TRIM35: variants seen among roughly 807,000 people sequenced by gnomAD.
The protein encoded by TRIM35 is tripartite motif containing 35, also known as E3 ubiquitin-protein ligase TRIM35.
A neutral mutation model predicts 49.1 loss-of-function variants in TRIM35; 37 were observed. The observed-to-expected ratio is 0.75, with a 90% CI of 0.58 to 0.99. TRIM35 has a LOEUF of 0.99. TRIM35 is among the 50% of genes least tolerant of loss of function. The probability of loss-of-function intolerance (pLI) is 0.00; values close to 1 mark genes in which losing one functional copy is unlikely to be tolerated. For synonymous variants in TRIM35, 302 were observed against 289.3 expected, an observed-to-expected ratio of 1.04 and a Z score of -0.45; for missense variants, 648 against 702.7, an observed-to-expected ratio of 0.92 and a Z score of 0.88.
rs1052805201 is a variant in TRIM35, at chr8:27,285,866, G to A, written c.*1684C>T. The A allele has an allele frequency of 1.5e-5, 4 of 264,954 alleles. No homozygotes were observed. The highest frequency in any genetic ancestry group is 9.0e-5 in the African/African-American group (4 of 44,660). The allele number at this position is 264,954 out of a possible 1,614,324, so 16.4% of individuals were successfully genotyped here. A position where few individuals can be genotyped will look rare whatever the true frequency, so the allele number is the denominator to read the frequency against. On this transcript the variant is annotated 3_prime_UTR_variant, in exon 6 of 6. Coordinates refer to ENST00000305364, the MANE Select transcript of TRIM35 (RefSeq NM_171982.5). ...CTCCCAAAGGGCTTGGAGCTTTTGT[G>A]AGGCTGAGCATCTTCCAACCAGGTG...
At position 27,294,275 on chromosome 8, in the gene TRIM35, C is replaced by T; in HGVS notation, c.567G>A (p.Gln189=). 6.2e-7 allele frequency: 1 copy of T among 1,614,098 alleles called. No homozygotes were observed. The highest frequency in any genetic ancestry group is 2.2e-5 in the East Asian group (1 of 44,886). Residue 189 remains glutamine (Q), a synonymous_variant, in exon 3 of 6, where the codon CAG becomes CAA. Coordinates refer to ENST00000305364, the MANE Select transcript of TRIM35 (RefSeq NM_171982.5). ...EAAWLEGRIR[Q]EFDKLREFLR... Reference sequence around the variant, plus strand: ...AGAACTCGCGAAGCTTATCAAACTCCTGCCGGATCCGGCCTTCCAGCCATG... The same window carrying T: ...AGAACTCGCGAAGCTTATCAAACTCTTGCCGGATCCGGCCTTCCAGCCATG...
intron 3 of TRIM35, among the ~76,000 whole-genome samples, chr8:27,291,058 CAA>C (rs56953962): frequency 1.8e-3 from 90 of 50,618 alleles, no homozygotes; most frequent in African/African-American, 4.6e-3. Context: ...TGTTGACATG[CAA>C]AAAAAAAAAA....
At chr8:27,292,502 A>AATG (rs1802475138) in intron 3 of TRIM35, among the ~76,000 whole-genome samples, 1 of 152,260 alleles carries the variant, frequency 6.6e-6, no homozygotes, top group African/African-American at 2.4e-5. Context: ...CTACAACATG[A>AATG]ATGATGTTTC....
chr8:27,293,568 C>A (rs1802498949), intron 3 of TRIM35, among the ~76,000 whole-genome samples: 1 of 151,978 alleles, frequency 6.6e-6, no homozygotes, highest in Non-Finnish European at 1.5e-5. Flanking sequence ...AGGAGCTGGG[C>A]ACAGTGGTGC....
chr8:27,288,017 A>G lies in TRIM35; in HGVS notation c.1015T>C (p.Phe339Leu). Residue 339 changes from phenylalanine to leucine, a missense_variant, in exon 6 of 6, where the codon TTC becomes CTC. Transcript: ENST00000305364. Reference protein sequence around the residue: ...YRVQVENPERFSSAPCLLGSR... With the variant: ...YRVQVENPERLSSAPCLLGSR... ...CCCAGCAGGCAGGGCGCCGAGGAGA[A>G]GCGTTCCGGGTTCTCCACCTGCACG... 1 of 1,613,640 alleles carries G rather than the reference A, an allele frequency of 6.2e-7. No homozygotes were observed. Among genetic ancestry groups the G allele is most frequent in the African/African-American group, 1.3e-5 (1 of 75,040 alleles).
At chr8:27,290,897 T>G (rs1356900638) in intron 3 of TRIM35, among the ~76,000 whole-genome samples, 2 of 152,082 alleles carry the variant, frequency 1.3e-5, no homozygotes, top group African/African-American at 4.8e-5. Flanking sequence ...AGTATGGTAC[T>G]AATATAAAAA....
chr8:27,309,902 G>A (rs1176848845), intron 1 of TRIM35, among the ~76,000 whole-genome samples: 5 of 150,972 alleles, frequency 3.3e-5, no homozygotes, highest in African/African-American at 1.2e-4. Flanking sequence ...TGAGGCACCA[G>A]AATCGCTTGA....
rs1802404156 is a variant in TRIM35 at position 27,289,273 on chromosome 8, A to G, written c.793T>C (p.Cys265Arg). The stretch of plus-strand genomic sequence containing the variant: ...TGGACTGGCTCTGGCTCCATGGTGC[A>G]GAAGAGTCTGGAAAAGTACAATGGG... Reference protein sequence around the residue: ...KHKSRKRRLFCTMEPEPVQPG... With the variant: ...KHKSRKRRLFRTMEPEPVQPG... The change falls in exon 5 of 6, where the codon TGC becomes CGC. Residue 265 changes from cysteine to arginine, a missense_variant. Cys to Arg is a radical substitution (Grantham distance 180). Transcript: ENST00000305364. 1 of 1,613,858 alleles carries G rather than the reference A, an allele frequency of 6.2e-7. No homozygotes were observed. Among genetic ancestry groups the G allele is most frequent in the Non-Finnish European group, 8.5e-7 (1 of 1,179,852 alleles).
intron 2 of TRIM35, among the ~76,000 whole-genome samples, chr8:27,294,564 G>A (rs921860534): frequency 3.3e-5 from 5 of 152,124 alleles, no homozygotes; most frequent in African/African-American, 1.2e-4. Flanking sequence ...TATATAGATG[G>A]CAACTGTAGT....
intron 1 of TRIM35, among the ~76,000 whole-genome samples, chr8:27,305,235 T>C (rs911788692): frequency 6.6e-6 from 1 of 152,196 alleles, no homozygotes; most frequent in Admixed American, 6.5e-5. Flanking sequence ...ATGGTCCAGG[T>C]TTCTTAAATG....
At chr8:27,300,018 C>T (rs1345713449) in intron 1 of TRIM35, among the ~76,000 whole-genome samples, 2 of 152,224 alleles carry the variant, frequency 1.3e-5, no homozygotes, top group Non-Finnish European at 2.9e-5. Context: ...TGTGTACACC[C>T]TGCCTTCCTC....
At chr8:27,290,230 T>C (rs1170940383) in intron 3 of TRIM35, 52 bp from the exon 4 acceptor site, 3 of 1,583,044 alleles carry the variant, frequency 1.9e-6, no homozygotes, top group East Asian at 2.2e-5. Flanking sequence ...GTAGAGGAAA[T>C]GTATATGTTT....
rs1586041213 is a variant in TRIM35 at position 27,287,840 on chromosome 8, A to G, written c.1192T>C (p.Tyr398His). Residue 398 changes from tyrosine (Y) to histidine (H), a missense_variant, in exon 6 of 6, where the codon TAT (tyrosine) becomes CAT (histidine). Coordinates refer to ENST00000305364, the MANE Select transcript of TRIM35 (RefSeq NM_171982.5). The surrounding 1 kb of genome is among the most constrained non-coding windows in gnomAD (Gnocchi z 6.0). Reference protein sequence around the residue: ...CYHDTRSGFWYVCRTQGVEGD... With the variant: ...CYHDTRSGFWHVCRTQGVEGD... ...TCCACGCCCTGCGTGCGGCAGACAT[A>G]CCAGAAGCCCGAGCGTGTGTCGTGG... The G allele has an allele frequency of 6.2e-7, 1 of 1,612,572 alleles. No individual in the cohort carries two copies. Among genetic ancestry groups the G allele is most frequent in the African/African-American group, 1.3e-5 (1 of 74,862 alleles).
At position 27,286,061 on chromosome 8, in the gene TRIM35, T is replaced by C; in HGVS notation, c.*1489A>G. 1 of 455,694 alleles carries C rather than the reference T, an allele frequency of 2.2e-6. No homozygotes were observed. The highest frequency in any genetic ancestry group is 1.6e-5 in the South Asian group (1 of 64,460). The allele number at this position is 455,694 out of a possible 1,614,324, so 28.2% of individuals were successfully genotyped here. A position where few individuals can be genotyped will look rare whatever the true frequency, so the allele number is the denominator to read the frequency against. On this transcript the variant is annotated 3_prime_UTR_variant, in exon 6 of 6. Transcript: ENST00000305364. ...CATGATTTGTTTAAAATGTCAGCTT[T>C]TGTGAACTGAAGGGGATGGGCAGAA...
At position 27,310,764 on chromosome 8, in the gene TRIM35, C is replaced by T; in HGVS notation, c.435+37G>A. 6 of 1,538,408 alleles carry T rather than the reference C, an allele frequency of 3.9e-6. No individual in the cohort carries two copies. The African/African-American group carries it at 4.1e-5, about 11-fold the overall frequency. On this transcript the variant is annotated intron_variant, in intron 1 of 5. Coordinates refer to ENST00000305364, the MANE Select transcript of TRIM35 (RefSeq NM_171982.5). ...GAGCCAAGGGATTCCGGGTTCCAGA[C>T]CCGGCTCGGCCGCCTCGTGCAAATC...
At chr8:27,298,835 C>G (rs1217256029) in intron 1 of TRIM35, among the ~76,000 whole-genome samples, 3 of 152,218 alleles carry the variant, frequency 2.0e-5, no homozygotes, top group African/African-American at 7.2e-5. Flanking sequence ...GCAAGCTGCT[C>G]TCTCTCATGT....
intron 1 of TRIM35, among the ~76,000 whole-genome samples, chr8:27,305,555 T>C (rs751585685): frequency 1.1e-4 from 16 of 151,974 alleles, no homozygotes; most frequent in Non-Finnish European, 2.1e-4. Context: ...GGGAAAAGCA[T>C]TGGAAGGGGG....
At chr8:27,298,592 AG>A in intron 1 of TRIM35, 33 bp from the exon 2 acceptor site, 1 of 1,588,772 alleles carries the variant, frequency 6.3e-7, no homozygotes, top group Non-Finnish European at 8.6e-7. Context: ...GGAGGAAGAC[AG>A]GTTAGGGCTG....
intron 2 of TRIM35, among the ~76,000 whole-genome samples, chr8:27,297,848 G>A (rs1436066312): frequency 6.6e-6 from 1 of 152,208 alleles, no homozygotes; most frequent in Non-Finnish European, 1.5e-5. Flanking sequence ...GGCAGGGTCA[G>A]GAGATGGCCT....
Sources: allele counts gnomAD v4.1 joint callset (sites outside exome capture counted in the v4.1 genomes callset), GRCh38; gene constraint gnomAD v4.1.1; non-coding constraint Gnocchi (gnomAD v3.1); transcripts MANE v1.5; gene names NCBI Gene and HGNC (gene_info 2026-07-23, HGNC 2026-07-21).